Variants in ESCO1 observed in about 807,000 individuals in gnomAD.
ESCO1 encodes the protein N-acetyltransferase ESCO1.
Under a neutral mutation model 83.5 loss-of-function variants are expected in ESCO1, and 33 were observed. The observed-to-expected ratio is 0.40, with a 90% CI of 0.30 to 0.53. The LOEUF is 0.53. Ranked by LOEUF, ESCO1 falls within the 20% of genes least tolerant of loss-of-function variation. The probability of loss-of-function intolerance (pLI) is 0.63; values close to 1 mark genes in which losing one functional copy is unlikely to be tolerated. For synonymous variants in ESCO1, 332 were observed against 324.3 expected (o/e 1.02, Z -0.25); for missense variants, 855 against 968.0 (o/e 0.88, Z 1.55).
At chr18:21,570,316 CTA>C (rs1253036856) in intron 4 of ESCO1, among the ~76,000 whole-genome samples, 1 of 152,126 alleles carries the variant, frequency 6.6e-6, no homozygotes, top group Non-Finnish European at 1.5e-5. Context: ...TCAAACTTGT[CTA>C]AAACTCCTGG....
intron 7 of ESCO1, among the ~76,000 whole-genome samples, chr18:21,563,443 G>A (rs1471263437): frequency 6.6e-6 from 1 of 152,126 alleles, no homozygotes; most frequent in African/African-American, 2.4e-5. Context: ...TGCCTGCCAG[G>A]TTCATGCGAC....
In ESCO1 at chr18:21,573,918, TC is replaced by T. The variant is rs1282547615; in HGVS notation, c.925del (p.Glu309LysfsTer11). The stretch of plus-strand genomic sequence containing the variant: ...ATCTGACTCAATTTCACCAGCAATT[TC>T]TTCACAGAGCTGGAGAATACTACCT... ...KRGSILQLCE[E>X]IAGEIESDNV... On this transcript the variant is annotated frameshift_variant, in exon 4 of 12. Transcript: ENST00000269214. LOFTEE classifies it high-confidence loss of function. 6.2e-7 allele frequency: 1 copy of T among 1,614,062 alleles called. No individual in the cohort carries two copies. Among genetic ancestry groups the T allele is most frequent in the Non-Finnish European group, 8.5e-7 (1 of 1,180,022 alleles).
At chr18:21,555,408 G>C (rs1032643819) in intron 8 of ESCO1, among the ~76,000 whole-genome samples, 3 of 152,118 alleles carry the variant, frequency 2.0e-5, no homozygotes, top group Admixed American at 1.3e-4. Context: ...ATGGATTCTG[G>C]GAAATAATGA....
chr18:21,529,421 T>C lies in ESCO1; in HGVS notation c.*922A>G, dbSNP rs954519401. 5 of 152,356 alleles carry C rather than the reference T, an allele frequency of 3.3e-5. No homozygotes were observed. The highest frequency in any genetic ancestry group is 1.2e-4 in the African/African-American group (5 of 41,464). The allele number at this position is 152,356 out of a possible 1,614,324, so 9.4% of individuals were successfully genotyped here. On this transcript the variant is annotated 3_prime_UTR_variant, in exon 12 of 12. Coordinates refer to ENST00000269214, the MANE Select transcript of ESCO1 (RefSeq NM_052911.3). ...TAAAAGTAGAGGGCACTATGAAGGA[T>C]AGACAAGTATCAAAATGAAGTCCAG...
intron 7 of ESCO1, among the ~76,000 whole-genome samples, chr18:21,563,316 A>G (rs1438236773): frequency 6.6e-6 from 1 of 152,164 alleles, no homozygotes; most frequent in Non-Finnish European, 1.5e-5. Flanking sequence ...GTTACAAGAC[A>G]AAGTCACTAT....
At position 21,580,994 on chromosome 18, in the gene ESCO1, G is replaced by T. The variant is rs138874957; in HGVS notation, c.-694+3316C>A. 3.7e-4 allele frequency among the ~76,000 whole-genome samples: 56 copies of T among 150,468 alleles called. 1 individual carries two copies. In the East Asian group the frequency reaches 0.011, roughly 28 times the overall value. On this transcript the variant is annotated intron_variant, in intron 2 of 11. Transcript: ENST00000269214. ...AACAAGAGCAAAACTCCATCGAAAC[G>T]GAGTCTCATTCTGTCACTTAAAAAA...
At chr18:21,566,028 A>C in intron 6 of ESCO1, 118 bp downstream of exon 6, 1 of 876,570 alleles carries the variant, frequency 1.1e-6, no homozygotes, top group Non-Finnish European at 1.8e-6. Flanking sequence ...AGCTGTAATG[A>C]AAAGAGAATC....
At chr18:21,578,140 A>C (rs2038445513) in intron 2 of ESCO1, among the ~76,000 whole-genome samples, 1 of 152,230 alleles carries the variant, frequency 6.6e-6, no homozygotes, top group Non-Finnish European at 1.5e-5. Context: ...AACCATAAGC[A>C]GTTAAACAAG....
intron 8 of ESCO1, among the ~76,000 whole-genome samples, chr18:21,546,405 C>CA (rs71178183): frequency 0.48 from 73,585 of 151,768 alleles, 21,263 homozygotes; most frequent in Non-Finnish European, 0.65. Flanking sequence ...CAAATAAAAA[C>CA]AAAAAAACAA....
intron 2 of ESCO1, among the ~76,000 whole-genome samples, chr18:21,583,771 T>C (rs2038536095): frequency 6.6e-6 from 1 of 152,186 alleles, no homozygotes; most frequent in African/African-American, 2.4e-5. Context: ...ACAGAAATGT[T>C]CTTTATCTTG....
chr18:21,568,563 G>A (rs971552360), intron 4 of ESCO1, among the ~76,000 whole-genome samples: 2 of 152,146 alleles, frequency 1.3e-5, no homozygotes, highest in Non-Finnish European at 2.9e-5. Context: ...TTAAAATGTG[G>A]TATCACTTGA....
intron 10 of ESCO1, among the ~76,000 whole-genome samples, chr18:21,533,040 T>C (rs1337964700): frequency 6.6e-6 from 1 of 152,102 alleles, no homozygotes; most frequent in Non-Finnish European, 1.5e-5. Context: ...CAAAAGTACA[T>C]GTTAAGAACA....
chr18:21,539,944 T>C lies in ESCO1; in HGVS notation c.2019A>G (p.Glu673=). The change falls in exon 9 of 12, where the codon GAA becomes GAG. Residue 673 remains glutamate (E), a synonymous_variant. Transcript: ENST00000269214. ...CCTTTTTCAGGGCATACTTTGGGTC[T>C]TCAGGAAGAACCATTATTATCCTGC... ...PDGRIIMVLP[E]DPKYALKKVD... The C allele has an allele frequency of 6.2e-7, 1 of 1,613,876 alleles. No homozygotes were observed. Among genetic ancestry groups the C allele is most frequent in the Non-Finnish European group, 8.5e-7 (1 of 1,179,910 alleles).
chr18:21,554,477 G>C (rs529408914), intron 8 of ESCO1, among the ~76,000 whole-genome samples: 22 of 152,240 alleles, frequency 1.4e-4, no homozygotes, highest in Non-Finnish European at 2.5e-4. Context: ...GCCATAAAAA[G>C]ACATGGGAGC....
At chr18:21,597,101 T>G (rs1481028229) in intron 1 of ESCO1, 3 of 152,230 alleles carry the variant, frequency 2.0e-5, no homozygotes, top group Non-Finnish European at 4.4e-5. Flanking sequence ...TGGTTTCAGA[T>G]TCTACATCAC....
chr18:21,577,244 C>A (rs575412756), intron 2 of ESCO1, among the ~76,000 whole-genome samples: 5 of 151,034 alleles, frequency 3.3e-5, no homozygotes, highest in African/African-American at 1.2e-4. Flanking sequence ...GTAATCCCAG[C>A]TGCTCAGGAG....
intron 11 of ESCO1, among the ~76,000 whole-genome samples, chr18:21,530,698 T>C (rs1421200131): frequency 6.6e-6 from 1 of 152,120 alleles, no homozygotes; most frequent in African/African-American, 2.4e-5. Context: ...AAAGCAACAA[T>C]GTAAAAACAT....
intron 2 of ESCO1, among the ~76,000 whole-genome samples, chr18:21,582,365 G>A (rs1414782075): frequency 1.3e-5 from 2 of 151,970 alleles, no homozygotes; most frequent in Non-Finnish European, 1.5e-5. Context: ...GAGTAGCTAG[G>A]ATTACAGGTG....
At chr18:21,589,942 C>G (rs1452985581) in intron 1 of ESCO1, among the ~76,000 whole-genome samples, 1 of 151,910 alleles carries the variant, frequency 6.6e-6, no homozygotes, top group South Asian at 2.1e-4. Context: ...ATTCTCCTGC[C>G]TTAGCCTCCC....
Sources: allele counts gnomAD v4.1 joint callset (sites outside exome capture counted in the v4.1 genomes callset), GRCh38; gene constraint gnomAD v4.1.1; transcripts MANE v1.5; gene names NCBI Gene and HGNC (gene_info 2026-07-23, HGNC 2026-07-21).